SLC26A7: variants seen among roughly 807,000 people sequenced by gnomAD.
SLC26A7 encodes the protein solute carrier family 26 member 7, also known as anion exchange transporter.
In SLC26A7, 59 loss-of-function variants were observed where a neutral mutation model predicts 82.5. The ratio of observed to expected loss-of-function variants is 0.72; its 90% CI spans 0.58 to 0.89. The LOEUF is 0.89. SLC26A7 is among the 40% of genes least tolerant of loss of function. The pLI is 0.00. For missense variants in SLC26A7, 820 were observed against 793.0 expected (o/e 1.03, Z -0.41); for synonymous variants, 271 against 274.3 (o/e 0.99, Z 0.12).
intron 2 of SLC26A7, among the ~76,000 whole-genome samples, chr8:91,287,768 C>T (rs1811749974): frequency 6.6e-6 from 1 of 152,154 alleles, no homozygotes; most frequent in Admixed American, 6.5e-5. Context: ...AAGTTGCTTA[C>T]ACTAAAAATG....
chr8:91,377,345 G>A lies in SLC26A7; in HGVS notation c.1675+7512G>A, dbSNP rs565199933. Among the ~76,000 whole-genome samples, 9 of 151,972 alleles carry A rather than the reference G, an allele frequency of 5.9e-5. No individual in the cohort carries two copies. In the South Asian group the frequency reaches 1.9e-3, roughly 32 times the overall value. On this transcript the variant is annotated intron_variant, in intron 15 of 18. Transcript: ENST00000276609. ...CCACATCTACGTTTCCTTTGTCCCA[G>A]GGGGGCTTTGGTGAGCTGAGTGCCC...
chr8:91,338,283 G>A (rs540822370), intron 7 of SLC26A7, 51 bp downstream of exon 7: 11 of 1,371,796 alleles, frequency 8.0e-6, no homozygotes, highest in East Asian at 4.8e-5. Flanking sequence ...GTTTATTTTT[G>A]ATGGAGAAAG....
At chr8:91,346,192 T>C (rs557406903) in intron 9 of SLC26A7, among the ~76,000 whole-genome samples, 2 of 152,230 alleles carry the variant, frequency 1.3e-5, no homozygotes, top group Non-Finnish European at 1.5e-5. Flanking sequence ...GTTGAGATGG[T>C]CACTAATCTT....
At chr8:91,228,771 G>T (rs975300888) in intron 2 of SLC26A7, among the ~76,000 whole-genome samples, 2 of 152,002 alleles carry the variant, frequency 1.3e-5, no homozygotes, top group African/African-American at 2.4e-5. Flanking sequence ...AAGAAACCAG[G>T]GGTTTCTTGT....
At chr8:91,315,790 T>A (rs568342778) in intron 4 of SLC26A7, among the ~76,000 whole-genome samples, 13 of 152,342 alleles carry the variant, frequency 8.5e-5, no homozygotes, top group African/African-American at 2.9e-4. Context: ...TGACTGGTTT[T>A]CCATACTAGG....
intron 2 of SLC26A7, among the ~76,000 whole-genome samples, chr8:91,272,019 T>G (rs1811286440): frequency 6.6e-6 from 1 of 151,736 alleles, no homozygotes; most frequent in Non-Finnish European, 1.5e-5. Context: ...CAAGAAGCTT[T>G]TGTGCTTAGT....
At chr8:91,241,523 G>A (rs1372804078) in intron 2 of SLC26A7, among the ~76,000 whole-genome samples, 3 of 152,096 alleles carry the variant, frequency 2.0e-5, no homozygotes, top group African/African-American at 7.2e-5. Context: ...AAAGTGTGTT[G>A]TGCATTTTGC....
intron 2 of SLC26A7, among the ~76,000 whole-genome samples, chr8:91,286,665 A>G (rs1811719823): frequency 1.3e-5 from 2 of 152,150 alleles, no homozygotes; most frequent in Admixed American, 1.3e-4. Flanking sequence ...CTCTTATTTG[A>G]ATTGAAAGCC....
intron 11 of SLC26A7, 81 bp from the exon 12 acceptor site, chr8:91,362,272 A>G: frequency 2.1e-6 from 2 of 951,632 alleles, no homozygotes; most frequent in East Asian, 2.5e-5. Flanking sequence ...TGTTAAGAAT[A>G]TGATTGTGAG....
rs1461132112 is a variant in SLC26A7 at position 91,239,404 on chromosome 8, ATATATATG to A, written c.-33-10209_-33-10202del. Reference sequence around the variant, plus strand: ...AAAAAAAAAAAAAAAAAATATATATATATATATGTATATGTATATATATGTATATATGT... The same window carrying A: ...AAAAAAAAAAAAAAAAAATATATATATATATGTATATATATGTATATATGT... On this transcript the variant is annotated intron_variant, in intron 2 of 5. Coordinates refer to the SLC26A7 transcript ENST00000522862. Among the ~76,000 whole-genome samples the A allele has an allele frequency of 9.8e-3, 997 of 101,956 alleles. 19 individuals are homozygous for A. The highest frequency in any genetic ancestry group is 0.033 in the African/African-American group (949 of 28,758). 66.9% of individuals were successfully genotyped at this position (101,956 alleles called of 152,430 possible).
chr8:91,395,108 T>C lies in SLC26A7; in HGVS notation c.*11T>C. ...CACAGTGAAGTCTGAGACCCTTTTG[T>C]CACAGTACAGCTCTTGTCTTTACCA... On this transcript the variant is annotated 3_prime_UTR_variant, in exon 19 of 19. Transcript: ENST00000276609. 10 of 1,613,384 alleles carry C rather than the reference T, an allele frequency of 6.2e-6. No individual in the cohort carries two copies. The highest frequency in any genetic ancestry group is 8.5e-6 in the Non-Finnish European group (10 of 1,179,378).
chr8:91,383,586 A>G (rs1000768858), intron 15 of SLC26A7, among the ~76,000 whole-genome samples: 7 of 152,210 alleles, frequency 4.6e-5, no homozygotes, highest in Admixed American at 2.6e-4. Flanking sequence ...GGTTACATCA[A>G]TTATGAAGTG....
chr8:91,326,933 C>A (rs1812947394), intron 5 of SLC26A7, among the ~76,000 whole-genome samples: 1 of 152,146 alleles, frequency 6.6e-6, no homozygotes, highest in South Asian at 2.1e-4. Flanking sequence ...GCCTTCCCTG[C>A]TGTTTGTTCT....
intron 4 of SLC26A7, among the ~76,000 whole-genome samples, chr8:91,306,239 C>T (rs905568851): frequency 2.0e-5 from 3 of 152,150 alleles, no homozygotes; most frequent in African/African-American, 7.2e-5. Context: ...CCCTATCCAG[C>T]AATACTCCCT....
intron 2 of SLC26A7, among the ~76,000 whole-genome samples, chr8:91,234,825 C>T (rs61606869): frequency 0.086 from 7,352 of 85,470 alleles, 166 homozygotes; most frequent in Non-Finnish European, 0.098. Context: ...ACCTACCTAC[C>T]TACTTCCTTC....
chr8:91,332,865 A>G (rs775851049), intron 5 of SLC26A7, among the ~76,000 whole-genome samples: 8 of 151,968 alleles, frequency 5.3e-5, no homozygotes, highest in Non-Finnish European at 1.2e-4. Context: ...GTTTTGACTT[A>G]TTATAAATAT....
At chr8:91,330,870 G>A (rs1005214619) in intron 5 of SLC26A7, among the ~76,000 whole-genome samples, 8 of 151,960 alleles carry the variant, frequency 5.3e-5, no homozygotes, top group African/African-American at 1.9e-4. Context: ...GCTTTCTAGG[G>A]CTTTCAAAAC....
intron 2 of SLC26A7, among the ~76,000 whole-genome samples, chr8:91,241,284 A>C (rs1810470529): frequency 6.6e-6 from 1 of 152,068 alleles, no homozygotes; most frequent in East Asian, 1.9e-4. Context: ...AATTACATGT[A>C]TAGTAATGCC....
rs2130912589 is a variant in SLC26A7 at position 91,395,568 on chromosome 8, A to C, written c.*471A>C. 6.5e-6 allele frequency: 1 copy of C among 153,888 alleles called. No homozygotes were observed. Among genetic ancestry groups the C allele is most frequent in the Admixed American group, 6.4e-5 (1 of 15,558 alleles). 9.5% of individuals were successfully genotyped at this position (153,888 alleles called of 1,614,324 possible). On this transcript the variant is annotated 3_prime_UTR_variant, in exon 19 of 19. Coordinates refer to ENST00000276609, the MANE Select transcript of SLC26A7 (RefSeq NM_052832.4). ...CAACTTCTCTCTGTATAGGCCTCTG[A>C]AATATCAATAAGGCTAAATATTACT...
Sources: allele counts gnomAD v4.1 joint callset (sites outside exome capture counted in the v4.1 genomes callset), GRCh38; gene constraint gnomAD v4.1.1; transcripts MANE v1.5; gene names NCBI Gene and HGNC (gene_info 2026-07-23, HGNC 2026-07-21).